The following TLN2 variants were observed in gnomAD, a reference collection of about 807,000 sequenced individuals.
TLN2 encodes talin 2.
A neutral mutation model predicts 294.7 loss-of-function variants in TLN2; 118 were observed. That is an observed-to-expected ratio of 0.40 (90% CI 0.34 to 0.47). The LOEUF (loss-of-function observed/expected upper bound fraction) is 0.47, where lower values mean the gene tolerates loss of function less well. Among genes scored for constraint, TLN2 ranks in the 20% least tolerant of loss-of-function variants. The pLI is 0.84. For synonymous variants in TLN2, 1,431 were observed against 1,304.5 expected (o/e 1.10, Z -2.09); for missense variants, 3,083 against 3,282.2 (o/e 0.94, Z 1.48).
chr15:62,795,599 C>T (rs1350780207), intron 46 of TLN2, among the ~76,000 whole-genome samples: 2 of 152,068 alleles, frequency 1.3e-5, no homozygotes, highest in Admixed American at 1.3e-4. Flanking sequence ...AGACTCCAGC[C>T]CTTCTGAACT....
At chr15:62,638,523 C>T in intron 3 of TLN2, 1 of 456,084 alleles carries the variant, frequency 2.2e-6, no homozygotes, top group South Asian at 1.5e-5. Context: ...CATACCCTCT[C>T]TGTTCACTGT....
chr15:62,644,152 C>A (rs1175812194), intron 3 of TLN2, among the ~76,000 whole-genome samples: 2 of 149,022 alleles, frequency 1.3e-5, no homozygotes, highest in Non-Finnish European at 3.0e-5. Context: ...CTCCCCCGCG[C>A]CACCCACCGC....
At chr15:62,544,755 A>G (rs537472041) in intron 1 of TLN2, among the ~76,000 whole-genome samples, 1 of 151,240 alleles carries the variant, frequency 6.6e-6, no homozygotes, top group East Asian at 1.9e-4. Flanking sequence ...CCCCCCTCTA[A>G]TCACAGCCTG....
In TLN2 at chr15:62,840,339, G is replaced by C. The variant is rs141664853; in HGVS notation, c.7501-143G>C. 498 of 1,228,352 alleles carry C rather than the reference G, an allele frequency of 4.1e-4. 9 individuals are homozygous for C. The East Asian group carries it at 0.012, about 29-fold the overall frequency. 76.1% of individuals were successfully genotyped at this position (1,228,352 alleles called of 1,614,324 possible). A position where few individuals can be genotyped will look rare whatever the true frequency, so the allele number is the denominator to read the frequency against. On this transcript the variant is annotated intron_variant, in intron 58 of 58. Transcript: ENST00000636159. ...AAAACCCAAACAGTGACAGAGGCTG[G>C]TCGCCAGAGCTAAGAAAGCTGTTCC...
chr15:62,393,282 C>T (rs1240674699), intron 1 of TLN2, among the ~76,000 whole-genome samples: 1 of 152,092 alleles, frequency 6.6e-6, no homozygotes, highest in East Asian at 1.9e-4. Flanking sequence ...GCTTCTACCT[C>T]GAAAGAGAAA....
chr15:62,716,600 T>A, intron 23 of TLN2, 141 bp downstream of exon 23: 1 of 1,166,232 alleles, frequency 8.6e-7, no homozygotes, highest in Non-Finnish European at 1.1e-6. Flanking sequence ...GTTTGAGTAC[T>A]ATAAAAGCAT....
rs528298813 is a variant in TLN2 at position 62,747,888 on chromosome 15, C to T, written c.4026-463C>T. 2.0e-5 allele frequency among the ~76,000 whole-genome samples: 3 copies of T among 152,230 alleles called. No homozygotes were observed. In the South Asian group the frequency reaches 6.2e-4, roughly 32 times the overall value. ...ATGATAAGAGAAAATGTACTTTTCACTAAGTGGAAGTGGATCATCATAAAG... is the reference window on the plus strand; with the variant it reads ...ATGATAAGAGAAAATGTACTTTTCATTAAGTGGAAGTGGATCATCATAAAG... On this transcript the variant is annotated intron_variant, in intron 32 of 58. Coordinates refer to ENST00000636159, the MANE Select transcript of TLN2 (RefSeq NM_015059.3).
At chr15:62,573,849 A>G (rs970156081) in intron 1 of TLN2, among the ~76,000 whole-genome samples, 3 of 149,764 alleles carry the variant, frequency 2.0e-5, no homozygotes, top group Admixed American at 1.3e-4. Context: ...ATTCCTTTCT[A>G]TGGATGGGGA....
chr15:62,465,010 G>A (rs1242385611), intron 1 of TLN2, among the ~76,000 whole-genome samples: 2 of 150,424 alleles, frequency 1.3e-5, no homozygotes, highest in African/African-American at 2.4e-5. Context: ...AGAGTTTTCA[G>A]TAGTCTTTTT....
intron 32 of TLN2, among the ~76,000 whole-genome samples, chr15:62,745,264 T>C (rs942430251): frequency 2.0e-5 from 3 of 152,182 alleles, no homozygotes; most frequent in Non-Finnish European, 4.4e-5. Context: ...GGTAGCATTA[T>C]GGTTATTTAG....
chr15:62,713,854 T>A (rs970396558), intron 22 of TLN2, among the ~76,000 whole-genome samples: 3 of 149,606 alleles, frequency 2.0e-5, no homozygotes, highest in Admixed American at 1.3e-4. Context: ...TCCTAATCCC[T>A]GTTTCAGCCA....
chr15:62,726,281 C>CT (rs2060436373), intron 27 of TLN2, among the ~76,000 whole-genome samples: 2 of 152,210 alleles, frequency 1.3e-5, no homozygotes, highest in South Asian at 4.1e-4. Flanking sequence ...GGACCAGGCT[C>CT]TATTTTTATT....
chr15:62,750,836 G>C (rs2061895689), intron 34 of TLN2, among the ~76,000 whole-genome samples: 2 of 152,086 alleles, frequency 1.3e-5, no homozygotes, highest in Non-Finnish European at 2.9e-5. Flanking sequence ...TCACAAATGG[G>C]TCTTATTGTA....
intron 2 of TLN2, among the ~76,000 whole-genome samples, chr15:62,616,768 T>C (rs2048348024): frequency 6.6e-6 from 1 of 152,248 alleles, no homozygotes; most frequent in Non-Finnish European, 1.5e-5. Context: ...CTTAACATCA[T>C]TATATTCAAC....
intron 9 of TLN2, among the ~76,000 whole-genome samples, chr15:62,662,116 T>C (rs1396207797): frequency 6.6e-6 from 1 of 151,802 alleles, no homozygotes; most frequent in Non-Finnish European, 1.5e-5. Context: ...CCACAGAGAA[T>C]CAATAAACCC....
intron 6 of TLN2, among the ~76,000 whole-genome samples, chr15:62,652,417 C>T (rs538400555): frequency 4.3e-4 from 65 of 152,240 alleles, no homozygotes; most frequent in African/African-American, 1.6e-3. Context: ...CCATTGCTGC[C>T]TTCTATTCTA....
intron 32 of TLN2, 52 bp from the exon 33 acceptor site, chr15:62,748,299 G>C (rs2061726788): frequency 7.4e-7 from 1 of 1,351,280 alleles, no homozygotes; most frequent in Non-Finnish European, 1.0e-6. Flanking sequence ...CATTGTAGGG[G>C]AAATTACTGT....
intron 3 of TLN2, among the ~76,000 whole-genome samples, chr15:62,641,351 T>C (rs536178552): frequency 6.6e-6 from 1 of 152,262 alleles, no homozygotes; most frequent in South Asian, 2.1e-4. Context: ...GCACGGTGGC[T>C]CACACCTGTA....
Position 62,684,209 on chromosome 15 carries a change from T to G in TLN2, c.958-2432T>G, listed in dbSNP as rs2057100998. The G allele has an allele frequency of 3.3e-5, 5 of 152,310 alleles. No individual in the cohort carries two copies. The South Asian group carries it at 1.0e-3, about 32-fold the overall frequency. 9.4% of individuals were successfully genotyped at this position (152,310 alleles called of 1,614,324 possible). On this transcript the variant is annotated intron_variant, in intron 11 of 58. Transcript: ENST00000636159. ...AGGGCAATCCGTCACGATTCTGTGTTCCCGCACCCCAGAAGCCCTCACTGG... is the reference window on the plus strand; with the variant it reads ...AGGGCAATCCGTCACGATTCTGTGTGCCCGCACCCCAGAAGCCCTCACTGG...
Sources: allele counts gnomAD v4.1 joint callset (sites outside exome capture counted in the v4.1 genomes callset), GRCh38; gene constraint gnomAD v4.1.1; transcripts MANE v1.5; gene names NCBI Gene and HGNC (gene_info 2026-07-23, HGNC 2026-07-21).